Variants in MORN1 observed in about 807,000 individuals in gnomAD.
MORN1 encodes MORN repeat-containing protein 1.
A neutral mutation model predicts 61.9 loss-of-function variants in MORN1; 67 were observed. The ratio of observed to expected loss-of-function variants is 1.08; its 90% CI spans 0.89 to 1.33. The LOEUF (loss-of-function observed/expected upper bound fraction) is 1.33. MORN1 is among the 40% of genes most tolerant of loss of function. The pLI, the probability that MORN1 is intolerant of heterozygous loss-of-function variation, is 0.00. For synonymous variants in MORN1, 301 were observed against 292.0 expected, an observed-to-expected ratio of 1.03 and a Z score of -0.31; for missense variants, 752 against 691.2, an observed-to-expected ratio of 1.09 and a Z score of -0.99.
intron 10 of MORN1, among the ~76,000 whole-genome samples, chr1:2,340,149 C>A (rs961112988): frequency 2.0e-5 from 3 of 152,016 alleles, no homozygotes; most frequent in Admixed American, 2.0e-4. Context: ...CTGGGCCCTC[C>A]GGGAGACCTC....
chr1:2,355,419 CTGT>C (rs1641741985), intron 10 of MORN1: 1 of 1,550,410 alleles, frequency 6.4e-7, no homozygotes, highest in East Asian at 2.4e-5. Context: ...CCTCTCACAG[CTGT>C]TGTCTGGAAG....
chr1:2,322,997 G>A (rs1456720897), intron 13 of MORN1: 28 of 985,354 alleles, frequency 2.8e-5, no homozygotes, highest in Non-Finnish European at 3.4e-5. Context: ...AGTGGCCCCT[G>A]AATCGGATCT....
intron 6 of MORN1, among the ~76,000 whole-genome samples, chr1:2,383,114 T>C (rs770485314): frequency 7.3e-5 from 11 of 151,720 alleles, no homozygotes; most frequent in Non-Finnish European, 2.9e-5. Flanking sequence ...ACCCATCACC[T>C]CTCAGTTCCC....
intron 10 of MORN1, among the ~76,000 whole-genome samples, chr1:2,348,234 G>C (rs1160403102): frequency 2.6e-5 from 4 of 152,352 alleles, no homozygotes; most frequent in Admixed American, 1.3e-4. Context: ...CGTGTCTGAG[G>C]TCTCATCACA....
chr1:2,341,149 C>G lies in MORN1; in HGVS notation c.1037-4299G>C, dbSNP rs549354059. 3.9e-5 allele frequency among the ~76,000 whole-genome samples: 6 copies of G among 152,340 alleles called. No homozygotes were observed. In the South Asian group the frequency reaches 1.0e-3, roughly 26 times the overall value. ...GGAGCCTCTCCCAGCCCTGCTGTGT[C>G]CCACCTGTTGCCTGCTGCCCAGCTT... is the stretch of plus-strand genomic sequence containing the variant. On this transcript the variant is annotated intron_variant, in intron 10 of 13. Transcript: ENST00000378531.
chr1:2,332,684 T>C (rs750460342), intron 12 of MORN1: 4 of 456,584 alleles, frequency 8.8e-6, no homozygotes, highest in Middle Eastern at 3.3e-4. Flanking sequence ...TTGTCCACAC[T>C]GCAGAATCTC....
chr1:2,367,306 CAA>C (rs56188781), intron 8 of MORN1, among the ~76,000 whole-genome samples: 59,784 of 132,820 alleles, frequency 0.45, 13,600 homozygotes, highest in East Asian at 0.63. Context: ...ATTGCTCTAT[CAA>C]AAAAAAAAAA....
At chr1:2,323,658 G>A (rs1468876046) in intron 13 of MORN1, 1 of 985,104 alleles carries the variant, frequency 1.0e-6, no homozygotes, top group African/African-American at 1.7e-5. Flanking sequence ...CCCCACAGCA[G>A]CCCCCACGCT....
chr1:2,371,288 C>A (rs1490647060), intron 8 of MORN1: 2 of 152,172 alleles, frequency 1.3e-5, no homozygotes, highest in Non-Finnish European at 2.9e-5. Context: ...GCACCTCAGC[C>A]TCCCGAAGTG....
intron 10 of MORN1, chr1:2,355,179 G>A (rs927509542): frequency 2.5e-6 from 3 of 1,207,130 alleles, no homozygotes; most frequent in East Asian, 3.9e-5. Flanking sequence ...ATGGCGCCCA[G>A]TAAGTATTTT....
intron 12 of MORN1, among the ~76,000 whole-genome samples, chr1:2,336,201 C>T (rs1174980816): frequency 6.6e-6 from 1 of 152,230 alleles, no homozygotes; most frequent in Non-Finnish European, 1.5e-5. Context: ...GTCCGCCCGG[C>T]GGGTCTGGGA....
intron 10 of MORN1, chr1:2,351,870 C>G (rs1049393981): frequency 1.4e-4 from 69 of 503,062 alleles, no homozygotes; most frequent in Middle Eastern, 4.3e-4. Context: ...GACTGCCGTT[C>G]CCCCAGATCC....
intron 10 of MORN1, among the ~76,000 whole-genome samples, chr1:2,348,435 T>G (rs1369905321): frequency 6.6e-6 from 1 of 152,188 alleles, no homozygotes; most frequent in South Asian, 2.1e-4. Flanking sequence ...CTGCCCTCCA[T>G]GGGGGAAGTG....
At chr1:2,390,196 G>C (rs933563748) in intron 1 of MORN1, among the ~76,000 whole-genome samples, 200 bp from the exon 2 acceptor site, 1 of 152,184 alleles carries the variant, frequency 6.6e-6, no homozygotes, top group South Asian at 2.1e-4. Flanking sequence ...ATTTGTTTAT[G>C]TGACAAGGAT....
intron 13 of MORN1, chr1:2,322,350 C>A (rs779280436): frequency 1.6e-4 from 153 of 985,322 alleles, no homozygotes; most frequent in Non-Finnish European, 1.8e-4. Context: ...GGAATGCGGC[C>A]GCAGCTGAAA....
chr1:2,357,313 G>T lies in MORN1; in HGVS notation c.1036+119C>A. ...CTCCTTTCACCCACGCGTGATGACT[G>T]ACCCTGGGTGCGGCTTGCTCCTGCT... On this transcript the variant is annotated intron_variant, in intron 10 of 13. Transcript: ENST00000378531. The surrounding 1 kb of genome is among the most constrained non-coding windows in gnomAD (Gnocchi z 6.3). 2 of 1,135,028 alleles carry T rather than the reference G, an allele frequency of 1.8e-6. No homozygotes were observed. The highest frequency in any genetic ancestry group is 1.6e-5 in the South Asian group (1 of 62,792). 70.3% of individuals were successfully genotyped at this position (1,135,028 alleles called of 1,614,324 possible). A position where few individuals can be genotyped will look rare whatever the true frequency, so the allele number is the denominator to read the frequency against.
chr1:2,390,611 G>A, intron 1 of MORN1: 1 of 985,476 alleles, frequency 1.0e-6, no homozygotes, highest in Non-Finnish European at 1.2e-6. Flanking sequence ...AAATGTCGGG[G>A]AGGAGGGCAG....
chr1:2,325,043 C>T (rs1640973928), intron 12 of MORN1, among the ~76,000 whole-genome samples: 2 of 151,098 alleles, frequency 1.3e-5, no homozygotes, highest in Admixed American at 1.3e-4. Flanking sequence ...GGACACCCAC[C>T]CTCCTCCCCG....
At chr1:2,350,540 T>C (rs1039064) in intron 10 of MORN1, 24,211 of 152,092 alleles carry the variant, frequency 0.16, 2,600 homozygotes, top group Admixed American at 0.32. Flanking sequence ...TTGTGGGGGT[T>C]GAGTGTGAGC....
Sources: gnomAD v4.1 joint callset for allele counts (sites outside exome capture counted in the v4.1 genomes callset) on GRCh38, gnomAD v4.1.1 for gene constraint, Gnocchi (gnomAD v3.1) non-coding constraint, MANE v1.5 for transcripts, NCBI Gene and HGNC (gene_info 2026-07-23, HGNC 2026-07-21) for gene names.